VWA3B: variants seen among roughly 807,000 people sequenced by gnomAD.
VWA3B encodes the protein von Willebrand factor A domain-containing protein 3B.
Under a neutral mutation model 158.3 loss-of-function variants are expected in VWA3B, and 138 were observed. The observed-to-expected ratio is 0.87, with a 90% CI of 0.76 to 1.00. The LOEUF (loss-of-function observed/expected upper bound fraction) is 1.00. Ranked by LOEUF, VWA3B falls within the 50% of genes least tolerant of loss-of-function variation. VWA3B has a pLI of 0.00. For missense variants in VWA3B, 1,555 were observed against 1,565.1 expected (o/e 0.99, Z 0.11); for synonymous variants, 596 against 587.3 (o/e 1.01, Z -0.21).
At chr2:98,189,421 T>A (rs927692907) in intron 10 of VWA3B, among the ~76,000 whole-genome samples, 7 of 152,236 alleles carry the variant, frequency 4.6e-5, no homozygotes, top group African/African-American at 1.7e-4. Flanking sequence ...TTGTGGATTT[T>A]CCTGATAGCT....
chr2:98,129,605 T>C (rs1231046145), intron 6 of VWA3B, among the ~76,000 whole-genome samples: 1 of 152,138 alleles, frequency 6.6e-6, no homozygotes, highest in Non-Finnish European at 1.5e-5. Context: ...ATCTTTTCAA[T>C]GGCAGTAGGC....
At chr2:98,237,520 A>G (rs1160515705) in intron 19 of VWA3B, among the ~76,000 whole-genome samples, 1 of 152,146 alleles carries the variant, frequency 6.6e-6, no homozygotes, top group Non-Finnish European at 1.5e-5. Context: ...ACAGCTTCCA[A>G]TGGGAGGGCG....
chr2:98,289,936 C>G (rs1344132602), intron 22 of VWA3B, among the ~76,000 whole-genome samples: 2 of 152,150 alleles, frequency 1.3e-5, no homozygotes, highest in Non-Finnish European at 2.9e-5. Context: ...ATTGCCCTTG[C>G]CAAAATAGTA....
At chr2:98,275,348 A>G (rs1203314676) in intron 22 of VWA3B, among the ~76,000 whole-genome samples, 1 of 152,188 alleles carries the variant, frequency 6.6e-6, no homozygotes, top group Non-Finnish European at 1.5e-5. Context: ...ATAAACAGCC[A>G]CATGTCTGGA....
intron 13 of VWA3B, among the ~76,000 whole-genome samples, chr2:98,213,239 A>G (rs573978465): frequency 1.1e-3 from 172 of 152,246 alleles, no homozygotes; most frequent in Non-Finnish European, 2.2e-3. Context: ...ATCAGGGTGG[A>G]GGTGAAAAAC....
chr2:98,104,494 A>G (rs965684691), intron 2 of VWA3B, among the ~76,000 whole-genome samples: 1 of 152,202 alleles, frequency 6.6e-6, no homozygotes, highest in African/African-American at 2.4e-5. Flanking sequence ...CATTCCCACG[A>G]GAATGTCACC....
intron 1 of VWA3B, among the ~76,000 whole-genome samples, chr2:98,091,121 G>A (rs777373113): frequency 2.8e-4 from 42 of 152,268 alleles, no homozygotes; most frequent in Admixed American, 4.6e-4. Context: ...AAAGATTAGC[G>A]TTCCGGATGA....
intron 8 of VWA3B, among the ~76,000 whole-genome samples, chr2:98,177,163 A>T (rs968594655): frequency 6.6e-6 from 1 of 152,166 alleles, no homozygotes. Flanking sequence ...GGCCCTGGCT[A>T]TAGCAGGGAT....
intron 13 of VWA3B, chr2:98,217,007 G>C: frequency 8.0e-7 from 1 of 1,251,314 alleles, no homozygotes; most frequent in Middle Eastern, 3.3e-4. Flanking sequence ...AGTCTCAGGT[G>C]GTCCCTTCAT....
intron 2 of VWA3B, among the ~76,000 whole-genome samples, chr2:98,095,979 A>T (rs967617738): frequency 3.3e-5 from 5 of 152,178 alleles, no homozygotes; most frequent in African/African-American, 1.2e-4. Flanking sequence ...CCCACTTGAT[A>T]ATGGTGAATG....
At chr2:98,097,998 G>A (rs1682827192) in intron 2 of VWA3B, among the ~76,000 whole-genome samples, 1 of 152,058 alleles carries the variant, frequency 6.6e-6, no homozygotes, top group South Asian at 2.1e-4. Flanking sequence ...TCAGGTGCAT[G>A]TTGTTTAATT....
intron 2 of VWA3B, among the ~76,000 whole-genome samples, chr2:98,102,125 A>ACCGCC (rs372592967): frequency 0.21 from 31,820 of 151,972 alleles, 3,467 homozygotes; most frequent in African/African-American, 0.25. Context: ...CACATCTTGC[A>ACCGCC]CTGCCCTTAA....
intron 26 of VWA3B, among the ~76,000 whole-genome samples, chr2:98,309,856 G>A (rs1463444407): frequency 6.6e-6 from 1 of 152,156 alleles, no homozygotes; most frequent in East Asian, 1.9e-4. Flanking sequence ...TGGATTAGGA[G>A]CCCCATTTCT....
Position 98,225,042 on chromosome 2 carries a change from TTC to T in VWA3B, c.2020-3158_2020-3157del, listed in dbSNP as rs1220634660. Among the ~76,000 whole-genome samples, 4 of 152,342 alleles carry T rather than the reference TTC, an allele frequency of 2.6e-5. No homozygotes were observed. In the East Asian group the frequency reaches 7.7e-4, roughly 29 times the overall value. ...TCCACCTCTATGGTTCAAGCAATTC[TTC>T]TGCCTCAGCCTCCCAAGTAGCTGGG... On this transcript the variant is annotated intron_variant, in intron 14 of 27. Coordinates refer to ENST00000477737, the MANE Select transcript of VWA3B (RefSeq NM_144992.5).
chr2:98,275,032 C>A (rs148920247), intron 22 of VWA3B, among the ~76,000 whole-genome samples: 1 of 152,212 alleles, frequency 6.6e-6, no homozygotes, highest in Non-Finnish European at 1.5e-5. Context: ...ATCCTCTAAC[C>A]GTCTGCCACG....
At chr2:98,215,841 G>A (rs1033490712) in intron 13 of VWA3B, among the ~76,000 whole-genome samples, 1 of 152,074 alleles carries the variant, frequency 6.6e-6, no homozygotes, top group Non-Finnish European at 1.5e-5. Context: ...GAGGACTTCC[G>A]AATTCAACAC....
At chr2:98,196,070 T>G (rs1682015015) in intron 12 of VWA3B, among the ~76,000 whole-genome samples, 1 of 152,112 alleles carries the variant, frequency 6.6e-6, no homozygotes, top group Non-Finnish European at 1.5e-5. Flanking sequence ...AATGTTGAAC[T>G]CACAGAAGCA....
At chr2:98,200,178 G>A (rs1006480623) in intron 12 of VWA3B, among the ~76,000 whole-genome samples, 2 of 152,080 alleles carry the variant, frequency 1.3e-5, no homozygotes, top group Admixed American at 6.6e-5. Context: ...CAGATATTTT[G>A]CCCATTTTTT....
chr2:98,249,211 G>A (rs762780965), intron 19 of VWA3B, among the ~76,000 whole-genome samples: 13 of 151,978 alleles, frequency 8.6e-5, no homozygotes, highest in East Asian at 1.9e-4. Flanking sequence ...GGGAACATGC[G>A]TTTATTCCTT....
Sources: allele counts gnomAD v4.1 joint callset (sites outside exome capture counted in the v4.1 genomes callset), GRCh38; gene constraint gnomAD v4.1.1; transcripts MANE v1.5; gene names NCBI Gene and HGNC (gene_info 2026-07-23, HGNC 2026-07-21).